The following WNK1 variants were observed in gnomAD, a reference collection of about 807,000 sequenced individuals.
WNK1 encodes the protein WNK lysine deficient protein kinase 1.
In WNK1, 38 loss-of-function variants were observed where a neutral mutation model predicts 222.8. The ratio of observed to expected loss-of-function variants is 0.17; its 90% CI spans 0.13 to 0.22. The LOEUF (loss-of-function observed/expected upper bound fraction) is 0.22, where lower values mean the gene tolerates loss of function less well. Ranked by LOEUF, WNK1 falls within the 10% of genes least tolerant of loss-of-function variation. The pLI, the probability that WNK1 is intolerant of heterozygous loss-of-function variation, is 1.00. For synonymous variants in WNK1, 1,090 were observed against 1,092.9 expected (o/e 1.00, Z 0.05); for missense variants, 2,348 against 2,918.4 (o/e 0.80, Z 4.50).
intron 1 of WNK1, among the ~76,000 whole-genome samples, chr12:790,103 G>C (rs1038828410): frequency 1.3e-5 from 2 of 152,182 alleles, no homozygotes; most frequent in African/African-American, 4.8e-5. Flanking sequence ...GAGGGGGTTT[G>C]GGAATGACCC....
At chr12:867,711 A>G (rs1367044253) in intron 8 of WNK1, 28 of 849,520 alleles carry the variant, frequency 3.3e-5, no homozygotes, top group Non-Finnish European at 5.0e-5. Flanking sequence ...GATTTTTACT[A>G]TGCACATAAT....
chr12:827,021 G>A lies in WNK1; in HGVS notation c.933-21G>A. ...AACTCCTATCATTGATAACTTGTTT[G>A]GTATACTTTGCTTTTTCTAGGTATC... On this transcript the variant is annotated intron_variant, in intron 2 of 27. Transcript: ENST00000315939. This position sits in a 1 kb window ranked among gnomAD's most constrained non-coding sequence, Gnocchi z 4.6. The A allele has an allele frequency of 6.3e-7, 1 of 1,592,954 alleles. No homozygotes were observed. The highest frequency in any genetic ancestry group is 8.6e-7 in the Non-Finnish European group (1 of 1,162,556).
At position 884,696 on chromosome 12, in the gene WNK1, G is replaced by A; in HGVS notation, c.3892G>A (p.Ala1298Thr). Residue 1298 changes from alanine (A) to threonine (T), a missense_variant, in exon 19 of 28, where the codon GCA becomes ACA. Around this residue, in one of 13 missense-constraint regions of WNK1, gnomAD observed 1,144 missense variants for 1,273.6 expected, o/e 0.90. Transcript: ENST00000315939. The surrounding 1 kb of genome is among the most constrained non-coding windows in gnomAD (Gnocchi z 5.6). ...CCCTGGAATGAACTTGTCTCACTCTGCATCATCCCTTAGTCTACAACAGGC... is the reference window on the plus strand; with the variant it reads ...CCCTGGAATGAACTTGTCTCACTCTACATCATCCCTTAGTCTACAACAGGC... ...QSPGMNLSHS[A>T]SSLSLQQAFS... 5 of 1,614,142 alleles carry A rather than the reference G, an allele frequency of 3.1e-6. No individual in the cohort carries two copies. The highest frequency in any genetic ancestry group is 4.2e-6 in the Non-Finnish European group (5 of 1,180,038).
At chr12:874,040 C>T (rs1416460594) in intron 9 of WNK1, among the ~76,000 whole-genome samples, 1 of 151,486 alleles carries the variant, frequency 6.6e-6, no homozygotes, top group African/African-American at 2.4e-5. Context: ...GACACAGTGC[C>T]AGCTACTTGG....
intron 4 of WNK1, among the ~76,000 whole-genome samples, chr12:839,068 C>G (rs928948883): frequency 6.6e-6 from 1 of 152,100 alleles, no homozygotes; most frequent in African/African-American, 2.4e-5. Context: ...ATAGAAAACA[C>G]TTATTTTAGG....
At chr12:900,263 T>C (rs1037105515) in intron 25 of WNK1, among the ~76,000 whole-genome samples, 2 of 152,144 alleles carry the variant, frequency 1.3e-5, no homozygotes, top group Non-Finnish European at 2.9e-5. Flanking sequence ...TGGGATATTA[T>C]AGGCGTGAGC....
intron 1 of WNK1, among the ~76,000 whole-genome samples, chr12:804,142 G>A (rs1256101404): frequency 6.6e-6 from 1 of 152,138 alleles, no homozygotes; most frequent in East Asian, 1.9e-4. Context: ...TATCTTCGAA[G>A]CTCTCAGTGT....
At chr12:898,253 G>A (rs1954913123) in intron 25 of WNK1, among the ~76,000 whole-genome samples, 1 of 152,080 alleles carries the variant, frequency 6.6e-6, no homozygotes, top group Non-Finnish European at 1.5e-5. Flanking sequence ...GGGAGGCTGA[G>A]GCAGGCAGAT....
chr12:802,759 T>C (rs1946007865), intron 1 of WNK1, among the ~76,000 whole-genome samples: 1 of 152,190 alleles, frequency 6.6e-6, no homozygotes, highest in South Asian at 2.1e-4. Flanking sequence ...TAAATGAAAA[T>C]GTTATGATTT....
chr12:769,499 G>GC (rs769403382), intron 1 of WNK1, among the ~76,000 whole-genome samples: 1 of 152,152 alleles, frequency 6.6e-6, no homozygotes, highest in Non-Finnish European at 1.5e-5. Flanking sequence ...ACAATGCCTA[G>GC]CCCCTTCTGC....
chr12:797,907 C>A (rs1028360134), intron 1 of WNK1, among the ~76,000 whole-genome samples: 11 of 149,708 alleles, frequency 7.3e-5, no homozygotes, highest in Non-Finnish European at 1.2e-4. Context: ...CGAGATCGCA[C>A]CACTGCACTC....
At chr12:773,997 C>T (rs1287276693) in intron 1 of WNK1, among the ~76,000 whole-genome samples, 1 of 152,088 alleles carries the variant, frequency 6.6e-6, no homozygotes, top group African/African-American at 2.4e-5. Flanking sequence ...TGTGTTGTAT[C>T]CTTACCTAAT....
At chr12:862,925 A>G (rs2154067159) in intron 8 of WNK1, among the ~76,000 whole-genome samples, 1 of 152,280 alleles carries the variant, frequency 6.6e-6, no homozygotes, top group African/African-American at 2.4e-5. Flanking sequence ...TTCCTGAAAC[A>G]TTTTATGCTT....
chr12:795,839 G>T (rs544989112), intron 1 of WNK1, among the ~76,000 whole-genome samples: 1 of 152,080 alleles, frequency 6.6e-6, no homozygotes, highest in African/African-American at 2.4e-5. Flanking sequence ...TGCTTTGGGG[G>T]TCATTTAACA....
chr12:898,888 A>T (rs959376621), intron 25 of WNK1, among the ~76,000 whole-genome samples: 1 of 152,004 alleles, frequency 6.6e-6, no homozygotes, highest in South Asian at 2.1e-4. Context: ...TTACAGGCAC[A>T]TGTCACCATG....
At chr12:833,351 C>A (rs187301889) in intron 4 of WNK1, among the ~76,000 whole-genome samples, 7 of 152,306 alleles carry the variant, frequency 4.6e-5, no homozygotes, top group South Asian at 2.1e-4. Context: ...ACTTAAGATA[C>A]CAGTTTGCTG....
At position 859,377 on chromosome 12, in the gene WNK1, A is replaced by G. The variant is rs774704875; in HGVS notation, c.1533A>G (p.Lys511=). The G allele has an allele frequency of 1.7e-5, 28 of 1,612,674 alleles. No homozygotes were observed. Among genetic ancestry groups the G allele is most frequent in the Non-Finnish European group, 2.0e-5 (24 of 1,179,064 alleles). Residue 511 remains lysine, a synonymous_variant, in exon 6 of 28, where the codon AAA becomes AAG. Transcript: ENST00000315939. The part of the protein sequence containing the change: ...KLWLRIEDIK[K]LKGKYKDNEA... Reference sequence around the variant, plus strand: ...GGCTACGTATTGAAGATATTAAGAAATTAAAGGGAAAATACAAAGATAATG... The same window carrying G: ...GGCTACGTATTGAAGATATTAAGAAGTTAAAGGGAAAATACAAAGATAATG...
chr12:766,642 C>G (rs1317016081), intron 1 of WNK1, among the ~76,000 whole-genome samples: 1 of 151,742 alleles, frequency 6.6e-6, no homozygotes, highest in African/African-American at 2.4e-5. Context: ...CCATGCCCAG[C>G]TAATTTTTGT....
chr12:874,812 A>G (rs568462158), intron 9 of WNK1, among the ~76,000 whole-genome samples: 10 of 152,158 alleles, frequency 6.6e-5, no homozygotes, highest in Non-Finnish European at 1.2e-4. Flanking sequence ...CTTACAGCTT[A>G]TAAGAGGTAA....
Sources: allele counts gnomAD v4.1 joint callset (sites outside exome capture counted in the v4.1 genomes callset), GRCh38; gene constraint gnomAD v4.1.1; regional missense constraint gnomAD v4.1.1; non-coding constraint Gnocchi (gnomAD v3.1); transcripts MANE v1.5; gene names NCBI Gene and HGNC (gene_info 2026-07-23, HGNC 2026-07-21).